WWOX: variants seen among roughly 807,000 people sequenced by gnomAD.
WWOX encodes the protein WW domain-containing oxidoreductase.
In WWOX, 69 loss-of-function variants were observed where a neutral mutation model predicts 46.2. The observed-to-expected ratio is 1.49, with a 90% CI of 1.23 to 1.82. The LOEUF is 1.82. WWOX is among the 40% of genes most tolerant of loss of function. The pLI, the probability that WWOX is intolerant of heterozygous loss-of-function variation, is 0.00. For missense variants in WWOX, 919 were observed against 542.6 expected, an observed-to-expected ratio of 1.69 and a Z score of -6.89; for synonymous variants, 359 against 202.6, an observed-to-expected ratio of 1.77 and a Z score of -6.56.
At chr16:78,395,449 G>A (rs1169730776) in intron 6 of WWOX, among the ~76,000 whole-genome samples, 1 of 152,116 alleles carries the variant, frequency 6.6e-6, no homozygotes, top group African/African-American at 2.4e-5. Flanking sequence ...AGCCAGCATG[G>A]TGGAGGCTGC....
At chr16:78,341,147 G>A (rs1185955500) in intron 5 of WWOX, among the ~76,000 whole-genome samples, 2 of 97,882 alleles carry the variant, frequency 2.0e-5, no homozygotes, top group Non-Finnish European at 2.3e-5. Context: ...TTGTCCATCT[G>A]CTTTCCAGCA....
At chr16:78,379,594 G>A (rs1360756230) in intron 5 of WWOX, among the ~76,000 whole-genome samples, 1 of 152,182 alleles carries the variant, frequency 6.6e-6, no homozygotes, top group African/African-American at 2.4e-5. Flanking sequence ...GGAGGTAAGT[G>A]GAGAACGCAA....
intron 8 of WWOX, among the ~76,000 whole-genome samples, chr16:79,142,881 T>G (rs2050116781): frequency 6.6e-6 from 1 of 152,084 alleles, no homozygotes; most frequent in African/African-American, 2.4e-5. Flanking sequence ...ATATATATTT[T>G]TTTACAGAGA....
chr16:78,258,885 C>T, intron 5 of WWOX, among the ~76,000 whole-genome samples: 1 of 152,056 alleles, frequency 6.6e-6, no homozygotes, highest in East Asian at 1.9e-4. Flanking sequence ...TATCACACTC[C>T]ACAAATCTCC....
chr16:79,127,020 A>T (rs1191575108), intron 8 of WWOX, among the ~76,000 whole-genome samples: 1 of 152,046 alleles, frequency 6.6e-6, no homozygotes, highest in East Asian at 1.9e-4. Flanking sequence ...TATTTCTTTA[A>T]TTTTATTTTT....
intron 8 of WWOX, among the ~76,000 whole-genome samples, chr16:79,159,942 C>G (rs1356066315): frequency 6.6e-6 from 1 of 152,096 alleles, no homozygotes; most frequent in African/African-American, 2.4e-5. Context: ...CCAACCCTCC[C>G]CAGGTGAAAG....
At chr16:78,749,822 T>C (rs913544637) in intron 8 of WWOX, among the ~76,000 whole-genome samples, 1 of 152,208 alleles carries the variant, frequency 6.6e-6, no homozygotes, top group Admixed American at 6.5e-5. Flanking sequence ...TTATAAACTG[T>C]TCCTCTTAAC....
At chr16:78,826,575 A>C (rs1186293423) in intron 8 of WWOX, among the ~76,000 whole-genome samples, 1 of 152,178 alleles carries the variant, frequency 6.6e-6, no homozygotes, top group Non-Finnish European at 1.5e-5. Flanking sequence ...TGTCTGCCTC[A>C]AATCTCCCTC....
intron 8 of WWOX, among the ~76,000 whole-genome samples, chr16:78,992,329 T>A (rs1417926379): frequency 2.0e-5 from 3 of 151,846 alleles, no homozygotes; most frequent in African/African-American, 4.8e-5. Context: ...TAGCCAGGTG[T>A]GGTGGTGGGT....
intron 5 of WWOX, among the ~76,000 whole-genome samples, chr16:78,204,541 C>A (rs62034007): frequency 0.13 from 20,085 of 152,106 alleles, 1,658 homozygotes; most frequent in Non-Finnish European, 0.18. Flanking sequence ...TGACCATCCC[C>A]ACCTCCTCAT....
intron 8 of WWOX, among the ~76,000 whole-genome samples, chr16:78,669,135 C>T (rs963223513): frequency 5.3e-5 from 8 of 152,120 alleles, no homozygotes; most frequent in African/African-American, 1.7e-4. Context: ...GCCCCATCTC[C>T]ACCACAAGGA....
At chr16:78,830,287 T>A (rs1019255204) in intron 8 of WWOX, among the ~76,000 whole-genome samples, 1 of 143,522 alleles carries the variant, frequency 7.0e-6, no homozygotes, top group African/African-American at 2.6e-5. Flanking sequence ...TGTGTATGTT[T>A]AAAATTTTCA....
chr16:79,151,262 C>T (rs927682374), intron 8 of WWOX, among the ~76,000 whole-genome samples: 1 of 152,198 alleles, frequency 6.6e-6, no homozygotes, highest in Non-Finnish European at 1.5e-5. Flanking sequence ...GTTGACTTTT[C>T]ACTGCCTTTG....
At chr16:79,183,032 G>C (rs2050943420) in intron 8 of WWOX, among the ~76,000 whole-genome samples, 2 of 152,310 alleles carry the variant, frequency 1.3e-5, no homozygotes, top group East Asian at 3.9e-4. Context: ...ATTTCAGGAG[G>C]GGTCACCCCT....
intron 8 of WWOX, among the ~76,000 whole-genome samples, chr16:78,536,598 C>A (rs1211565040): frequency 1.3e-5 from 2 of 152,112 alleles, no homozygotes; most frequent in East Asian, 3.9e-4. Flanking sequence ...CTGTTTGAGC[C>A]TCCCCCATTA....
At chr16:78,203,275 G>A (rs982415753) in intron 5 of WWOX, among the ~76,000 whole-genome samples, 2 of 152,112 alleles carry the variant, frequency 1.3e-5, no homozygotes, top group Non-Finnish European at 2.9e-5. Context: ...ATGGTTTGGG[G>A]GGCCCCAAGT....
intron 6 of WWOX, among the ~76,000 whole-genome samples, chr16:78,415,440 G>A (rs757066187): frequency 6.6e-6 from 1 of 152,022 alleles, no homozygotes; most frequent in Admixed American, 6.6e-5. Flanking sequence ...GACCTCCTAT[G>A]TTATCCTGTA....
chr16:78,201,292 G>A (rs973033989), intron 5 of WWOX, among the ~76,000 whole-genome samples: 4 of 152,152 alleles, frequency 2.6e-5, no homozygotes, highest in African/African-American at 9.7e-5. Flanking sequence ...ATTATTATGT[G>A]GGGAATGTGG....
At chr16:78,467,408 T>C (rs1344529740) in intron 8 of WWOX, among the ~76,000 whole-genome samples, 1 of 152,182 alleles carries the variant, frequency 6.6e-6, no homozygotes, top group Admixed American at 6.5e-5. Flanking sequence ...GTGAGGAATA[T>C]TTGAATACAA....
Sources: gnomAD v4.1 joint callset for allele counts (sites outside exome capture counted in the v4.1 genomes callset) on GRCh38, gnomAD v4.1.1 for gene constraint, MANE v1.5 for transcripts, NCBI Gene and HGNC (gene_info 2026-07-23, HGNC 2026-07-21) for gene names.